The following ARHGAP6 variants were observed in gnomAD, a reference collection of about 807,000 sequenced individuals.
ARHGAP6 encodes the protein rho GTPase-activating protein 6.
ARHGAP6 carries 16 observed loss-of-function variants against 55.7 expected under a neutral mutation model. The ratio of observed to expected loss-of-function variants is 0.29; its 90% confidence interval spans 0.19 to 0.44. The LOEUF (loss-of-function observed/expected upper bound fraction) is 0.44. ARHGAP6 is among the 20% of genes least tolerant of loss of function. The pLI, the probability that ARHGAP6 is intolerant of heterozygous loss-of-function variation, is 1.00. For synonymous variants in ARHGAP6, 382 were observed against 360.9 expected (o/e 1.06, Z -0.66); for missense variants, 698 against 808.9 (o/e 0.86, Z 1.66).
At chrX:11,560,222 T>A (rs762968958) in intron 1 of ARHGAP6, among the ~76,000 whole-genome samples, 1 of 111,714 alleles carries the variant, frequency 9.0e-6, no homozygotes, top group Non-Finnish European at 1.9e-5. Context: ...TCTATTTCAG[T>A]TACCCAAGTT....
chrX:11,203,178 C>T (rs1410274243), intron 2 of ARHGAP6, among the ~76,000 whole-genome samples: 2 of 111,758 alleles, frequency 1.8e-5, no homozygotes, highest in African/African-American at 3.3e-5. Context: ...ATACTTCCCC[C>T]GGGATATACC....
intron 1 of ARHGAP6, among the ~76,000 whole-genome samples, chrX:11,277,119 T>G: frequency 9.0e-6 from 1 of 111,713 alleles, no homozygotes; most frequent in Non-Finnish European, 1.9e-5. Flanking sequence ...AATATAAAAG[T>G]AGAATCATAT....
chrX:11,377,344 A>G (rs1448616399), intron 1 of ARHGAP6, among the ~76,000 whole-genome samples: 2 of 112,693 alleles, frequency 1.8e-5, no homozygotes, highest in Non-Finnish European at 3.7e-5. Flanking sequence ...TGAAATGCCT[A>G]GAATAGGCAA....
intron 2 of ARHGAP6, among the ~76,000 whole-genome samples, chrX:11,230,129 C>T (rs756232169): frequency 8.0e-5 from 9 of 111,996 alleles, no homozygotes; most frequent in Non-Finnish European, 1.7e-4. Flanking sequence ...GGCTATCTGA[C>T]TATTCTACAG....
At chrX:11,525,590 A>G (rs1344226321) in intron 1 of ARHGAP6, among the ~76,000 whole-genome samples, 4 of 112,135 alleles carry the variant, frequency 3.6e-5, no homozygotes, top group African/African-American at 1.3e-4. Flanking sequence ...ACTGCCTGGC[A>G]TAAGACTGAG....
At chrX:11,547,335 G>A (rs5978438) in intron 1 of ARHGAP6, among the ~76,000 whole-genome samples, 23,291 of 111,412 alleles carry the variant, frequency 0.21, 1,885 homozygotes, top group Middle Eastern at 0.36. Context: ...TGTGCATAGC[G>A]ATCACTTGGG....
intron 1 of ARHGAP6, among the ~76,000 whole-genome samples, chrX:11,434,696 G>A (rs901626884): frequency 9.0e-6 from 1 of 111,462 alleles, no homozygotes; most frequent in African/African-American, 3.3e-5. Flanking sequence ...TTGTGATAAT[G>A]ATAGGGAGCA....
rs953924857 is a variant in ARHGAP6 at position 11,665,129 on chromosome X, G to A, written c.-301C>T. 10 of 244,900 alleles carry A rather than the reference G, an allele frequency of 4.1e-5. No individual in the cohort carries two copies. The highest frequency in any genetic ancestry group is 2.1e-4 in the East Asian group (3 of 14,066). The allele number at this position is 244,900 out of a possible 1,213,427, so 20.2% of individuals were successfully genotyped here. On this transcript the variant is annotated 5_prime_UTR_variant, in exon 1 of 13. Coordinates refer to ENST00000337414, the MANE Select transcript of ARHGAP6 (RefSeq NM_013427.3). The stretch of plus-strand genomic sequence containing the variant: ...CGAAGAGGGTCAGGAAGAGGAGGAG[G>A]AAGGTCAGGCGCTCGCTGGGTTCCC...
intron 1 of ARHGAP6, among the ~76,000 whole-genome samples, chrX:11,337,816 C>T (rs892560534): frequency 9.8e-5 from 11 of 112,470 alleles, no homozygotes; most frequent in African/African-American, 3.2e-5. Context: ...AGTTAATAAA[C>T]AACAGAGGTT....
chrX:11,432,037 T>C (rs2049945060), intron 1 of ARHGAP6, among the ~76,000 whole-genome samples: 1 of 112,077 alleles, frequency 8.9e-6, no homozygotes, highest in Non-Finnish European at 1.9e-5. Flanking sequence ...CCTACGCCAA[T>C]TGTGGCAACC....
intron 1 of ARHGAP6, among the ~76,000 whole-genome samples, chrX:11,550,161 T>C (rs1270339509): frequency 3.6e-5 from 4 of 111,997 alleles, no homozygotes; most frequent in Non-Finnish European, 7.5e-5. Context: ...GGGGAAAGGC[T>C]GTAATTTAAT....
intron 1 of ARHGAP6, among the ~76,000 whole-genome samples, chrX:11,660,641 T>C (rs1045986790): frequency 9.5e-6 from 1 of 105,334 alleles, no homozygotes; most frequent in Admixed American, 1.0e-4. Flanking sequence ...AGCCATGTGG[T>C]TGTACGTGTA....
intron 1 of ARHGAP6, among the ~76,000 whole-genome samples, chrX:11,275,550 G>A (rs1158607697): frequency 9.0e-6 from 1 of 111,485 alleles, no homozygotes; most frequent in East Asian, 2.8e-4. Context: ...CTCTGGGAAT[G>A]TCCACCAGCA....
At chrX:11,411,848 C>T (rs1338404046) in intron 1 of ARHGAP6, among the ~76,000 whole-genome samples, 7 of 111,429 alleles carry the variant, frequency 6.3e-5, no homozygotes, top group Non-Finnish European at 1.1e-4. Flanking sequence ...ATTCTATAAA[C>T]TTCACCTGTA....
chrX:11,247,316 A>G (rs1487137940), intron 2 of ARHGAP6, among the ~76,000 whole-genome samples: 1 of 112,755 alleles, frequency 8.9e-6, no homozygotes, highest in Admixed American at 9.4e-5. Flanking sequence ...AAACAGCTCT[A>G]AAGAAAACAC....
At chrX:11,633,389 C>A (rs1302596124) in intron 1 of ARHGAP6, among the ~76,000 whole-genome samples, 1 of 111,699 alleles carries the variant, frequency 9.0e-6, no homozygotes, top group Non-Finnish European at 1.9e-5. Flanking sequence ...TTTAAACTTA[C>A]CTTTTGTTTC....
At chrX:11,404,163 C>T (rs1445130515) in intron 1 of ARHGAP6, among the ~76,000 whole-genome samples, 1 of 111,769 alleles carries the variant, frequency 8.9e-6, no homozygotes, top group Non-Finnish European at 1.9e-5. Flanking sequence ...CCGTCTTCCT[C>T]ATCTCTCTGA....
In ARHGAP6 at chrX:11,169,591, C is replaced by G; in HGVS notation, c.1723G>C (p.Val575Leu). 8.3e-7 allele frequency: 1 copy of G among 1,209,480 alleles called. No homozygotes were observed. The highest frequency in any genetic ancestry group is 1.1e-6 in the Non-Finnish European group (1 of 894,620). The change falls in exon 9 of 13, where the codon GTT becomes CTT. Residue 575 changes from valine to leucine, a missense_variant. By Grantham distance (32) the Val-to-Leu change is conservative (BLOSUM62 1). Transcript: ENST00000337414. ...TCCTCAGCCCGGGCTGAACTCTGAA[C>G]TGAGAATTCTTTGTCTGATGACTTC... ...KQKSSDKEFS[V>L]QSSARAEEST...
At chrX:11,520,114 CAGTT>C (rs1311980529) in intron 1 of ARHGAP6, among the ~76,000 whole-genome samples, 14 of 70,083 alleles carry the variant, frequency 2.0e-4, no homozygotes, top group East Asian at 4.8e-4. Flanking sequence ...TGTTCTTTAA[CAGTT>C]AGAGAATTGA....
Sources: allele counts gnomAD v4.1 joint callset (sites outside exome capture counted in the v4.1 genomes callset), GRCh38; gene constraint gnomAD v4.1.1; transcripts MANE v1.5; gene names NCBI Gene and HGNC (gene_info 2026-07-23, HGNC 2026-07-21).